The following ARHGAP44 variants were observed in gnomAD, a reference collection of about 807,000 sequenced individuals.
ARHGAP44 encodes rho GTPase-activating protein 44.
Under a neutral mutation model 106.8 loss-of-function variants are expected in ARHGAP44, and 43 were observed. The ratio of observed to expected loss-of-function variants is 0.40; its 90% CI spans 0.32 to 0.52. ARHGAP44 has a LOEUF of 0.52. Ranked by LOEUF, ARHGAP44 falls within the 20% of genes least tolerant of loss-of-function variation. ARHGAP44 has a pLI of 0.48. For synonymous variants in ARHGAP44, 439 were observed against 410.3 expected, an observed-to-expected ratio of 1.07 and a Z score of -0.85; for missense variants, 866 against 1,050.5, an observed-to-expected ratio of 0.82 and a Z score of 2.43.
At chr17:12,961,626 C>T (rs976756632) in intron 16 of ARHGAP44, among the ~76,000 whole-genome samples, 3 of 152,004 alleles carry the variant, frequency 2.0e-5, no homozygotes, top group Admixed American at 6.6e-5. Context: ...CCCAGCTACT[C>T]GGAAGGCTGA....
intron 1 of ARHGAP44, among the ~76,000 whole-genome samples, chr17:12,840,430 G>A (rs2035357132): frequency 1.3e-5 from 2 of 152,178 alleles, no homozygotes; most frequent in African/African-American, 4.8e-5. Context: ...AGTCAAATAA[G>A]CCACTCTTGT....
At chr17:12,791,758 G>C (rs2033767656) in intron 1 of ARHGAP44, among the ~76,000 whole-genome samples, 2 of 152,314 alleles carry the variant, frequency 1.3e-5, no homozygotes, top group East Asian at 1.9e-4. Flanking sequence ...AGTCCAAGCA[G>C]CTGGTTACCA....
rs2038943324 is a variant in ARHGAP44, at chr17:12,949,554, A to G, written c.974-95A>G. On this transcript the variant is annotated intron_variant, in intron 11 of 20. Transcript: ENST00000379672. This position sits in a 1 kb window ranked among gnomAD's most constrained non-coding sequence, Gnocchi z 4.1. ...TGTTGACATGGTGGTCAGGAGGCCCATCCCCAGATGGAACCCACATAGGCA... is the reference window on the plus strand; with the variant it reads ...TGTTGACATGGTGGTCAGGAGGCCCGTCCCCAGATGGAACCCACATAGGCA... 3 of 1,189,922 alleles carry G rather than the reference A, an allele frequency of 2.5e-6. No homozygotes were observed. The highest frequency in any genetic ancestry group is 1.5e-5 in the African/African-American group (1 of 65,676). 73.7% of individuals were successfully genotyped at this position (1,189,922 alleles called of 1,614,324 possible). A position where few individuals can be genotyped will look rare whatever the true frequency, so the allele number is the denominator to read the frequency against.
chr17:12,868,572 AAAG>A lies in ARHGAP44; in HGVS notation c.54-26367_54-26365del. Among the ~76,000 whole-genome samples the A allele has an allele frequency of 1.7e-4, 23 of 138,514 alleles. 2 individuals carry two copies. Among genetic ancestry groups the A allele is most frequent in the Admixed American group, 3.1e-4 (4 of 12,826 alleles). 90.9% of individuals were successfully genotyped at this position (138,514 alleles called of 152,430 possible). A position where few individuals can be genotyped will look rare whatever the true frequency, so the allele number is the denominator to read the frequency against. ...GCTAAAAAGCCAAAAAGTCATTTAAAAAGTCATATATATGCATTTTATATATAT... is the reference window on the plus strand; with the variant it reads ...GCTAAAAAGCCAAAAAGTCATTTAAATCATATATATGCATTTTATATATAT... On this transcript the variant is annotated intron_variant, in intron 1 of 20. Coordinates refer to ENST00000379672, the MANE Select transcript of ARHGAP44 (RefSeq NM_014859.6).
intron 1 of ARHGAP44, among the ~76,000 whole-genome samples, chr17:12,802,967 A>ATTTTTT (rs2034160020): frequency 3.2e-5 from 1 of 31,674 alleles, no homozygotes; most frequent in African/African-American, 9.7e-5. Context: ...ATATATATAT[A>ATTTTTT]TATTTTTTTT....
intron 20 of ARHGAP44, 29 bp from the exon 21 acceptor site, chr17:12,990,003 C>G (rs1429021755): frequency 3.1e-6 from 5 of 1,591,200 alleles, no homozygotes. Context: ...AGCCTCCTTT[C>G]AACCACCTCT....
intron 1 of ARHGAP44, among the ~76,000 whole-genome samples, chr17:12,791,073 C>A (rs183458167): frequency 6.6e-6 from 1 of 152,256 alleles, no homozygotes; most frequent in East Asian, 1.9e-4. Flanking sequence ...TAGGGGACAT[C>A]TGAACTCCCG....
chr17:12,990,331 CGT>C lies in ARHGAP44; in HGVS notation c.*164_*165del, dbSNP rs2040098251. 2 of 924,926 alleles carry C rather than the reference CGT, an allele frequency of 2.2e-6. No homozygotes were observed. The highest frequency in any genetic ancestry group is 1.8e-5 in the South Asian group (1 of 54,998). The allele number at this position is 924,926 out of a possible 1,614,324, so 57.3% of individuals were successfully genotyped here. On this transcript the variant is annotated 3_prime_UTR_variant, in exon 21 of 21. Transcript: ENST00000379672. ...TGGCAGAAAATTGTGATCTCCAGTC[CGT>C]GTGGTGATGCTGGTGGTGCAGGTTT...
intron 6 of ARHGAP44, among the ~76,000 whole-genome samples, chr17:12,922,261 C>A (rs1168496659): frequency 1.3e-5 from 2 of 152,034 alleles, no homozygotes; most frequent in African/African-American, 4.8e-5. Flanking sequence ...GGAGGCGAGG[C>A]GTTAGGTGGT....
chr17:12,825,867 A>G (rs1489794456), intron 1 of ARHGAP44, among the ~76,000 whole-genome samples: 1 of 152,206 alleles, frequency 6.6e-6, no homozygotes, highest in Non-Finnish European at 1.5e-5. Context: ...TGTAGAAGGC[A>G]GTCAGTAAAC....
At chr17:12,909,896 A>G (rs2037673037) in intron 4 of ARHGAP44, among the ~76,000 whole-genome samples, 1 of 152,252 alleles carries the variant, frequency 6.6e-6, no homozygotes, top group South Asian at 2.1e-4. Context: ...TAGTAAGACC[A>G]CAGATTATCA....
intron 18 of ARHGAP44, among the ~76,000 whole-genome samples, chr17:12,976,490 A>G (rs1433872100): frequency 6.6e-6 from 1 of 151,350 alleles, no homozygotes; most frequent in African/African-American, 2.4e-5. Context: ...GTATATGTCT[A>G]TAGTCCCAGC....
At chr17:12,976,320 A>G (rs1260366666) in intron 18 of ARHGAP44, among the ~76,000 whole-genome samples, 2 of 148,606 alleles carry the variant, frequency 1.3e-5, no homozygotes, top group African/African-American at 5.2e-5. Flanking sequence ...ATGAGTAAAA[A>G]GTATTTTCAC....
At chr17:12,961,591 C>G (rs1210652920) in intron 16 of ARHGAP44, among the ~76,000 whole-genome samples, 3 of 152,118 alleles carry the variant, frequency 2.0e-5, no homozygotes, top group African/African-American at 7.2e-5. Context: ...AAAATTAGCC[C>G]GGTATGATGG....
At chr17:12,989,365 C>T (rs1322088372) in intron 20 of ARHGAP44, among the ~76,000 whole-genome samples, 1 of 152,134 alleles carries the variant, frequency 6.6e-6, no homozygotes, top group Non-Finnish European at 1.5e-5. Flanking sequence ...GACTCAGAGA[C>T]GTCCAGACAC....
intron 6 of ARHGAP44, among the ~76,000 whole-genome samples, chr17:12,920,603 G>A (rs1004645291): frequency 9.9e-5 from 15 of 152,064 alleles, no homozygotes; most frequent in Admixed American, 4.6e-4. Flanking sequence ...AAGGAAGGTC[G>A]GCATGGCTGG....
chr17:12,975,124 A>G (rs1316201994), intron 18 of ARHGAP44, among the ~76,000 whole-genome samples: 2 of 152,104 alleles, frequency 1.3e-5, no homozygotes, highest in African/African-American at 4.8e-5. Context: ...TGCTGGGATT[A>G]CAGGCCTGAG....
At chr17:12,792,417 T>A (rs909710572) in intron 1 of ARHGAP44, among the ~76,000 whole-genome samples, 9 of 152,102 alleles carry the variant, frequency 5.9e-5, no homozygotes, top group Non-Finnish European at 1.0e-4. Context: ...CCGTTTAGAC[T>A]ACTGACTCTC....
intron 1 of ARHGAP44, among the ~76,000 whole-genome samples, chr17:12,842,088 T>C (rs774028843): frequency 2.6e-5 from 4 of 151,746 alleles, no homozygotes; most frequent in Admixed American, 1.3e-4. Context: ...TGAGAATCGC[T>C]TGGACCCCGC....
Sources: allele counts gnomAD v4.1 joint callset (sites outside exome capture counted in the v4.1 genomes callset), GRCh38; gene constraint gnomAD v4.1.1; non-coding constraint Gnocchi (gnomAD v3.1); transcripts MANE v1.5; gene names NCBI Gene and HGNC (gene_info 2026-07-23, HGNC 2026-07-21).